Variants in CAMTA1 observed in about 807,000 individuals in gnomAD.
CAMTA1 encodes the protein calmodulin binding transcription activator 1.
In CAMTA1, 27 loss-of-function variants were observed where a neutral mutation model predicts 170.9. The observed-to-expected ratio is 0.16, with a 90% CI of 0.12 to 0.22. CAMTA1 has a LOEUF of 0.22. CAMTA1 is among the 10% of genes least tolerant of loss of function. The probability of loss-of-function intolerance (pLI) is 1.00; values close to 1 mark genes in which losing one functional copy is unlikely to be tolerated. For missense variants in CAMTA1, 1,619 were observed against 2,217.2 expected (o/e 0.73, Z 5.42); for synonymous variants, 833 against 891.5 (o/e 0.93, Z 1.17).
intron 4 of CAMTA1, among the ~76,000 whole-genome samples, chr1:7,125,592 AC>A (rs1644884275): frequency 6.6e-6 from 1 of 152,166 alleles, no homozygotes; most frequent in Non-Finnish European, 1.5e-5. Flanking sequence ...GTAGGAACTC[AC>A]CAGCCAGTGG....
In CAMTA1 at chr1:7,736,782, GCGTC is replaced by G. The variant is rs1434469948; in HGVS notation, c.3264-147_3264-144del. On this transcript the variant is annotated intron_variant, in intron 13 of 22. Transcript: ENST00000303635. This position sits in a 1 kb window ranked among gnomAD's most constrained non-coding sequence, Gnocchi z 4.5. Reference sequence around the variant, plus strand: ...TTCTTTGGACCCCTAGCCAAATGGAGCGTCCACACTGCCCTGGGACTCTGTTTCT... The same window carrying G: ...TTCTTTGGACCCCTAGCCAAATGGAGCACACTGCCCTGGGACTCTGTTTCT... The G allele has an allele frequency of 8.4e-6, 6 of 712,328 alleles. No individual in the cohort carries two copies. The highest frequency in any genetic ancestry group is 1.4e-5 in the Non-Finnish European group (6 of 417,964). The allele number at this position is 712,328 out of a possible 1,614,324, so 44.1% of individuals were successfully genotyped here.
At chr1:7,441,638 G>C (rs1197092454) in intron 5 of CAMTA1, 2 of 152,244 alleles carry the variant, frequency 1.3e-5, no homozygotes, top group Non-Finnish European at 2.9e-5. Context: ...GCTGATGGCA[G>C]AATTTGCATG....
intron 4 of CAMTA1, among the ~76,000 whole-genome samples, chr1:7,184,208 G>A (rs1558217701): frequency 6.6e-6 from 1 of 152,064 alleles, no homozygotes; most frequent in Non-Finnish European, 1.5e-5. Context: ...GATAGAAGGA[G>A]GATGGTTACC....
chr1:7,686,980 T>C (rs1350588047), intron 11 of CAMTA1, among the ~76,000 whole-genome samples: 1 of 151,934 alleles, frequency 6.6e-6, no homozygotes, highest in Non-Finnish European at 1.5e-5. Context: ...GAATCTAGTG[T>C]TCAGTTTTGG....
chr1:6,898,100 T>C (rs541937891), intron 3 of CAMTA1, among the ~76,000 whole-genome samples: 1 of 152,360 alleles, frequency 6.6e-6, no homozygotes, highest in South Asian at 2.1e-4. Context: ...TTTCTTGTCT[T>C]GGTACTTCAG....
At chr1:7,620,408 C>G (rs1454624100) in intron 6 of CAMTA1, among the ~76,000 whole-genome samples, 1 of 152,168 alleles carries the variant, frequency 6.6e-6, no homozygotes, top group Non-Finnish European at 1.5e-5. Context: ...TCCCATGATG[C>G]TTTGCCCCCT....
intron 3 of CAMTA1, among the ~76,000 whole-genome samples, chr1:6,996,829 A>AT (rs1697335226): frequency 1.3e-5 from 2 of 152,266 alleles, no homozygotes; most frequent in Admixed American, 6.5e-5. Flanking sequence ...CTGATTAAAA[A>AT]ATATATATAT....
At position 7,499,561 on chromosome 1, in the gene CAMTA1, G is replaced by T. The variant is rs371756261; in HGVS notation, c.510+31660G>T. Among the ~76,000 whole-genome samples the T allele has an allele frequency of 3.7e-3, 527 of 142,388 alleles. 16 individuals are homozygous for T. The highest frequency in any genetic ancestry group is 0.014 in the African/African-American group (494 of 36,302). The allele number at this position is 142,388 out of a possible 152,430, so 93.4% of individuals were successfully genotyped here. A position where few individuals can be genotyped will look rare whatever the true frequency, so the allele number is the denominator to read the frequency against. ...TGTGTGCATGTGTGTCCATGAGTGT[G>T]TAGAGAGGATGGTGTGAGCCTGGCG... is the stretch of plus-strand genomic sequence containing the variant. On this transcript the variant is annotated intron_variant, in intron 6 of 22. Transcript: ENST00000303635.
intron 11 of CAMTA1, among the ~76,000 whole-genome samples, chr1:7,715,069 C>T (rs1377634456): frequency 6.6e-6 from 1 of 152,112 alleles, no homozygotes; most frequent in Non-Finnish European, 1.5e-5. Context: ...ATCATGAGTC[C>T]TGATTTTGCC....
chr1:7,611,610 G>T (rs1249424372), intron 6 of CAMTA1, among the ~76,000 whole-genome samples: 4 of 152,238 alleles, frequency 2.6e-5, no homozygotes, highest in Non-Finnish European at 5.9e-5. Flanking sequence ...CTGCTGGGGG[G>T]CCAAGCTTGC....
At chr1:6,927,295 C>A (rs541816283) in intron 3 of CAMTA1, among the ~76,000 whole-genome samples, 2 of 152,082 alleles carry the variant, frequency 1.3e-5, no homozygotes, top group African/African-American at 4.8e-5. Flanking sequence ...AGCCTCCCAA[C>A]GCGCTGAGAC....
intron 4 of CAMTA1, among the ~76,000 whole-genome samples, chr1:7,200,902 T>C (rs918863310): frequency 6.6e-6 from 1 of 152,246 alleles, no homozygotes; most frequent in Non-Finnish European, 1.5e-5. Context: ...TATTGTGATG[T>C]AATTCACGTG....
intron 3 of CAMTA1, among the ~76,000 whole-genome samples, chr1:7,049,502 G>C (rs1416731436): frequency 6.6e-6 from 1 of 152,098 alleles, no homozygotes; most frequent in Non-Finnish European, 1.5e-5. Flanking sequence ...TGTTGCCCAG[G>C]CTGGAGTATA....
rs570255529 is a variant in CAMTA1, at chr1:7,686,961, G to A, written c.2914+9228G>A. Reference sequence around the variant, plus strand: ...AGTCTGAAGAAGCAGCAAACCCAAGGGGATAGGGGAATCTAGTGTTCAGTT... The same window carrying A: ...AGTCTGAAGAAGCAGCAAACCCAAGAGGATAGGGGAATCTAGTGTTCAGTT... On this transcript the variant is annotated intron_variant, in intron 11 of 22. Coordinates refer to ENST00000303635, the MANE Select transcript of CAMTA1 (RefSeq NM_015215.4). Among the ~76,000 whole-genome samples the A allele has an allele frequency of 3.0e-4, 46 of 152,194 alleles. No individual in the cohort carries two copies. In the Middle Eastern group the frequency reaches 0.01, roughly 34 times the overall value.
At chr1:7,568,678 A>G (rs1231643897) in intron 6 of CAMTA1, among the ~76,000 whole-genome samples, 5 of 86,030 alleles carry the variant, frequency 5.8e-5, no homozygotes, top group Non-Finnish European at 1.2e-4. Context: ...ATTGTCACCA[A>G]ATCACCATCA....
chr1:7,667,050 A>G (rs2096007693), intron 9 of CAMTA1, among the ~76,000 whole-genome samples: 1 of 151,968 alleles, frequency 6.6e-6, no homozygotes, highest in Non-Finnish European at 1.5e-5. Context: ...TGCTGCATCC[A>G]GCTAATTTTT....
chr1:7,184,959 A>G (rs6692120), intron 4 of CAMTA1, among the ~76,000 whole-genome samples: 51,422 of 152,048 alleles, frequency 0.34, 8,627 homozygotes, highest in Non-Finnish European at 0.36. Flanking sequence ...TGGCTACTGT[A>G]GTAGGGTTTG....
intron 4 of CAMTA1, among the ~76,000 whole-genome samples, chr1:7,124,216 T>C (rs1644803754): frequency 6.6e-6 from 1 of 152,122 alleles, no homozygotes. Context: ...GGGGCCCTCT[T>C]CTGTGTTCTG....
chr1:7,028,304 T>C (rs1161449082), intron 3 of CAMTA1, among the ~76,000 whole-genome samples: 1 of 152,232 alleles, frequency 6.6e-6, no homozygotes, highest in Non-Finnish European at 1.5e-5. Flanking sequence ...TTTCATTGTC[T>C]TAATTGCGGA....
Sources: allele counts gnomAD v4.1 joint callset (sites outside exome capture counted in the v4.1 genomes callset), GRCh38; gene constraint gnomAD v4.1.1; non-coding constraint Gnocchi (gnomAD v3.1); transcripts MANE v1.5; gene names NCBI Gene and HGNC (gene_info 2026-07-23, HGNC 2026-07-21).